Variants in SKOR1 observed in about 807,000 individuals in gnomAD.
The protein encoded by SKOR1 is LBX1 corepressor 1.
SKOR1 carries 38 observed loss-of-function variants against 72.4 expected under a neutral mutation model. The ratio of observed to expected loss-of-function variants is 0.52; its 90% confidence interval spans 0.40 to 0.69. The LOEUF (loss-of-function observed/expected upper bound fraction) is 0.69. Ranked by LOEUF, SKOR1 falls within the 30% of genes least tolerant of loss-of-function variation. SKOR1 has a pLI of 0.00. For missense variants in SKOR1, 1,320 were observed against 1,343.2 expected (o/e 0.98, Z 0.27); for synonymous variants, 642 against 599.4 (o/e 1.07, Z -1.04).
Position 67,825,851 on chromosome 15 carries a change from C to A in SKOR1, c.108-85C>A. ...TGCCAAGTATCCCCCGCGCGCCCAA[C>A]TCGGAGCGCCCTGCTGGGCGGGCCC... On this transcript the variant is annotated intron_variant, in intron 1 of 8. Transcript: ENST00000380035. This position sits in a 1 kb window ranked among gnomAD's most constrained non-coding sequence, Gnocchi z 5.6. The A allele has an allele frequency of 6.6e-7, 1 of 1,514,756 alleles. No homozygotes were observed. The highest frequency in any genetic ancestry group is 8.8e-7 in the Non-Finnish European group (1 of 1,138,724). The allele number at this position is 1,514,756 out of a possible 1,614,324, so 93.8% of individuals were successfully genotyped here. A position where few individuals can be genotyped will look rare whatever the true frequency, so the allele number is the denominator to read the frequency against.
rs549463574 is a variant in SKOR1, at chr15:67,825,870, C to T, written c.108-66C>T. On this transcript the variant is annotated intron_variant, in intron 1 of 8. Coordinates refer to ENST00000380035, the MANE Select transcript of SKOR1 (RefSeq NM_001365915.1). This position sits in a 1 kb window ranked among gnomAD's most constrained non-coding sequence, Gnocchi z 5.6. ...GCCCAACTCGGAGCGCCCTGCTGGG[C>T]GGGCCCGAGCCTCGGCGGCGGCGCT... 1.3e-6 allele frequency: 2 copies of T among 1,510,328 alleles called. No homozygotes were observed. The highest frequency in any genetic ancestry group is 1.4e-5 in the African/African-American group (1 of 71,810). 93.6% of individuals were successfully genotyped at this position (1,510,328 alleles called of 1,614,324 possible). A position where few individuals can be genotyped will look rare whatever the true frequency, so the allele number is the denominator to read the frequency against.
At position 67,830,178 on chromosome 15, in the gene SKOR1, T is replaced by C; in HGVS notation, c.2408-13T>C. 6.2e-7 allele frequency: 1 copy of C among 1,613,462 alleles called. No individual in the cohort carries two copies. The highest frequency in any genetic ancestry group is 1.1e-5 in the South Asian group (1 of 91,068). ...TCTTTGCCTCTCTTGAAATTCGGTT[T>C]GTTGCCTTCAAGAGCCAGATAAGGA... On this transcript the variant is annotated splice_polypyrimidine_tract_variant and intron_variant, in intron 3 of 8. Transcript: ENST00000380035.
rs1597015712 is a variant in SKOR1 at position 67,826,722 on chromosome 15, G to A, written c.894G>A (p.Gly298=). 2 of 1,541,022 alleles carry A rather than the reference G, an allele frequency of 1.3e-6. No individual in the cohort carries two copies. Among genetic ancestry groups the A allele is most frequent in the African/African-American group, 2.7e-5 (2 of 73,114 alleles). ...GGANGGSGGQ[G]KGGAGGGGGG... ...CCAATGGCGGGTCGGGTGGGCAGGG[G>A]AAGGGTGGTGCTGGCGGCGGTGGCG... is the stretch of plus-strand genomic sequence containing the variant. The change falls in exon 2 of 9, where the codon GGG becomes GGA. Residue 298 remains glycine (G), a synonymous_variant. Coordinates refer to ENST00000380035, the MANE Select transcript of SKOR1 (RefSeq NM_001365915.1).
intron 5 of SKOR1, among the ~76,000 whole-genome samples, chr15:67,831,753 GGTGCTTTATAGT>G (rs1410625901): frequency 2.0e-5 from 3 of 152,054 alleles, no homozygotes; most frequent in African/African-American, 7.3e-5. Flanking sequence ...CAAAATCACT[GGTGCTTTATAGT>G]GAGGGTTCTT....
At chr15:67,829,011 A>C (rs1442555991) in intron 2 of SKOR1, among the ~76,000 whole-genome samples, 168 bp from the exon 3 acceptor site, 1 of 151,970 alleles carries the variant, frequency 6.6e-6, no homozygotes, top group African/African-American at 2.4e-5. Flanking sequence ...TGAATCTACA[A>C]GGGGGCAAGG....
chr15:67,833,960 T>G lies in SKOR1; in HGVS notation c.*124T>G. Reference sequence around the variant, plus strand: ...CGACCGATGTAAATACAGCCGCCCGTCCGCCCGCCTTCCTCCCGGGCTCCC... The same window carrying G: ...CGACCGATGTAAATACAGCCGCCCGGCCGCCCGCCTTCCTCCCGGGCTCCC... On this transcript the variant is annotated 3_prime_UTR_variant, in exon 9 of 9. Transcript: ENST00000380035. The surrounding 1 kb of genome is among the most constrained non-coding windows in gnomAD (Gnocchi z 6.0). The G allele has an allele frequency of 9.4e-7, 1 of 1,065,480 alleles. No homozygotes were observed. The highest frequency in any genetic ancestry group is 1.3e-5 in the South Asian group (1 of 77,006). 66.0% of individuals were successfully genotyped at this position (1,065,480 alleles called of 1,614,324 possible).
At position 67,826,929 on chromosome 15, in the gene SKOR1, C is replaced by A. The variant is rs1431789754; in HGVS notation, c.1101C>A (p.Ala367=). 6.4e-7 allele frequency: 1 copy of A among 1,574,360 alleles called. No homozygotes were observed. The highest frequency in any genetic ancestry group is 8.6e-7 in the Non-Finnish European group (1 of 1,168,440). ...GCCCAGGAGGGCCCGGTGGCGGCGC[C>A]GGCGTACGAAGCTACCCGGTGATCC... is the stretch of plus-strand genomic sequence containing the variant. ...PAGPGGPGGG[A]GVRSYPVIPV... is the part of the protein sequence containing the mutation. The change falls in exon 2 of 9, where the codon GCC becomes GCA. Residue 367 remains alanine (A), a synonymous_variant. Coordinates refer to ENST00000380035, the MANE Select transcript of SKOR1 (RefSeq NM_001365915.1).
In SKOR1 at chr15:67,830,182, G is replaced by A. The variant is rs1355278238; in HGVS notation, c.2408-9G>A. The A allele has an allele frequency of 1.2e-6, 2 of 1,613,604 alleles. No homozygotes were observed. Among genetic ancestry groups the A allele is most frequent in the South Asian group, 2.2e-5 (2 of 91,084 alleles). ...TGCCTCTCTTGAAATTCGGTTTGTT[G>A]CCTTCAAGAGCCAGATAAGGAAGAC... On this transcript the variant is annotated splice_polypyrimidine_tract_variant and intron_variant, in intron 3 of 8. Transcript: ENST00000380035.
rs371006898 is a variant in SKOR1, at chr15:67,827,179, G to A, written c.1351G>A (p.Gly451Arg). 4.7e-5 allele frequency: 65 copies of A among 1,370,626 alleles called. No individual in the cohort carries two copies. In the East Asian group the frequency reaches 1.8e-3, roughly 38 times the overall value. 84.9% of individuals were successfully genotyped at this position (1,370,626 alleles called of 1,614,324 possible). A position where few individuals can be genotyped will look rare whatever the true frequency, so the allele number is the denominator to read the frequency against. The change falls in exon 2 of 9, where the codon GGG (glycine) becomes AGG (arginine). Residue 451 changes from glycine to arginine, a missense_variant. Transcript: ENST00000380035. ...AGCCAGCCACTTGCCCCCGGGGGCA[G>A]GGGCGGGCCCGGGCGGCGGCGCCAT... ...PGASHLPPGAGAGPGGGAMFW... is the reference protein window; with the variant it reads ...PGASHLPPGARAGPGGGAMFW...
rs1597021572 is a variant in SKOR1, at chr15:67,834,016, T to C, written c.*180T>C. 8 of 670,552 alleles carry C rather than the reference T, an allele frequency of 1.2e-5. No individual in the cohort carries two copies. In the East Asian group the frequency reaches 2.2e-4, roughly 18 times the overall value. The allele number at this position is 670,552 out of a possible 1,614,324, so 41.5% of individuals were successfully genotyped here. On this transcript the variant is annotated 3_prime_UTR_variant, in exon 9 of 9. Coordinates refer to ENST00000380035, the MANE Select transcript of SKOR1 (RefSeq NM_001365915.1). This position sits in a 1 kb window ranked among gnomAD's most constrained non-coding sequence, Gnocchi z 5.8. ...TTGCCCGCCCCCTCCCGGGCGTCCC[T>C]GTCCAGGGCCCCGGCTTGGTTTCCA...
rs376810635 is a variant in SKOR1, at chr15:67,832,729, C to A, written c.2737+48C>A. ...TCGTGCACGGGCCGTAACTGCCTCTCGTCTGGCAGGAGCCGCAATGTTGGC... is the reference window on the plus strand; with the variant it reads ...TCGTGCACGGGCCGTAACTGCCTCTAGTCTGGCAGGAGCCGCAATGTTGGC... On this transcript the variant is annotated intron_variant, in intron 7 of 8. Transcript: ENST00000380035. This position sits in a 1 kb window ranked among gnomAD's most constrained non-coding sequence, Gnocchi z 4.5. 6.0e-6 allele frequency: 9 copies of A among 1,492,562 alleles called. No individual in the cohort carries two copies. Among genetic ancestry groups the A allele is most frequent in the Middle Eastern group, 1.7e-4 (1 of 5,824 alleles). 92.5% of individuals were successfully genotyped at this position (1,492,562 alleles called of 1,614,324 possible).
chr15:67,827,305 C>G lies in SKOR1; in HGVS notation c.1477C>G (p.Pro493Ala). The change falls in exon 2 of 9, where the codon CCA becomes GCA. Residue 493 changes from proline (P) to alanine (A), a missense_variant. Coordinates refer to ENST00000380035, the MANE Select transcript of SKOR1 (RefSeq NM_001365915.1). ...TVYPTFPMFW[P>A]AAGSLPVPSY... ...GTACCCGACGTTTCCCATGTTCTGG[C>G]CAGCAGCAGGCAGCCTCCCGGTACC... 1 of 1,590,854 alleles carries G rather than the reference C, an allele frequency of 6.3e-7. No homozygotes were observed. The highest frequency in any genetic ancestry group is 8.5e-7 in the Non-Finnish European group (1 of 1,176,050).
At position 67,832,558 on chromosome 15, in the gene SKOR1, C is replaced by G. The variant is rs1331876192; in HGVS notation, c.2663-49C>G. On this transcript the variant is annotated intron_variant, in intron 6 of 8. Transcript: ENST00000380035. This position sits in a 1 kb window ranked among gnomAD's most constrained non-coding sequence, Gnocchi z 4.5. ...GGGGCCAGGAGTGAGAAAGTGGAGC[C>G]GGGAGAGGGGGCTGTGCGTAACAGC... 2 of 1,547,684 alleles carry G rather than the reference C, an allele frequency of 1.3e-6. No individual in the cohort carries two copies. Among genetic ancestry groups the G allele is most frequent in the South Asian group, 1.1e-5 (1 of 89,180 alleles).
Position 67,834,054 on chromosome 15 carries a change from G to A in SKOR1, c.*218G>A, listed in dbSNP as rs1344814520. ...GGCTTGGTTTCCAAGTGTAAATACC[G>A]CCTCGCGCCTCAAATCCCCCTACCC... On this transcript the variant is annotated 3_prime_UTR_variant, in exon 9 of 9. Coordinates refer to ENST00000380035, the MANE Select transcript of SKOR1 (RefSeq NM_001365915.1). This position sits in a 1 kb window ranked among gnomAD's most constrained non-coding sequence, Gnocchi z 5.8. 3.3e-6 allele frequency: 2 copies of A among 597,936 alleles called. No homozygotes were observed. Among genetic ancestry groups the A allele is most frequent in the East Asian group, 2.8e-5 (1 of 35,244 alleles). The allele number at this position is 597,936 out of a possible 1,614,324, so 37.0% of individuals were successfully genotyped here.
At position 67,826,071 on chromosome 15, in the gene SKOR1, G is replaced by A; in HGVS notation, c.243G>A (p.Ser81=). Residue 81 remains serine (S), a synonymous_variant, in exon 2 of 9, where the codon TCG becomes TCA. Coordinates refer to ENST00000380035, the MANE Select transcript of SKOR1 (RefSeq NM_001365915.1). ...AACCCAACCAGGTGGGCGAGACGTC[G>A]CTGTACGGGGTGCCCATTGTGTCGC... ...ALKPNQVGET[S]LYGVPIVSLV... is the part of the protein sequence containing the mutation. 1 of 1,595,878 alleles carries A rather than the reference G, an allele frequency of 6.3e-7. No individual in the cohort carries two copies. Among genetic ancestry groups the A allele is most frequent in the South Asian group, 1.1e-5 (1 of 89,438 alleles).
At position 67,825,769 on chromosome 15, in the gene SKOR1, T is replaced by C. The variant is rs1186618108; in HGVS notation, c.107+60T>C. ...GGGGCTGTTGTTAACGGCGCCAACA[T>C]GGGTCTGAGTAACAAAAGACGCCTG... On this transcript the variant is annotated intron_variant, in intron 1 of 8. Coordinates refer to ENST00000380035, the MANE Select transcript of SKOR1 (RefSeq NM_001365915.1). The surrounding 1 kb of genome is among the most constrained non-coding windows in gnomAD (Gnocchi z 5.6). 7 of 1,277,650 alleles carry C rather than the reference T, an allele frequency of 5.5e-6. No individual in the cohort carries two copies. The highest frequency in any genetic ancestry group is 1.5e-5 in the African/African-American group (1 of 67,822). 79.1% of individuals were successfully genotyped at this position (1,277,650 alleles called of 1,614,324 possible). A position where few individuals can be genotyped will look rare whatever the true frequency, so the allele number is the denominator to read the frequency against.
rs2091026037 is a variant in SKOR1, at chr15:67,833,687, C to A, written c.2804-55C>A. 6.4e-7 allele frequency: 1 copy of A among 1,556,322 alleles called. No individual in the cohort carries two copies. The highest frequency in any genetic ancestry group is 8.9e-7 in the Non-Finnish European group (1 of 1,129,132). ...CGGGGAGGGGAAAGGGTGGACTGCGCGGTGAGGTGAGCCTGGAGAGGCGCC... is the reference window on the plus strand; with the variant it reads ...CGGGGAGGGGAAAGGGTGGACTGCGAGGTGAGGTGAGCCTGGAGAGGCGCC... On this transcript the variant is annotated intron_variant, in intron 8 of 8. Transcript: ENST00000380035. The surrounding 1 kb of genome is among the most constrained non-coding windows in gnomAD (Gnocchi z 6.0).
Position 67,833,289 on chromosome 15 carries a change from G to A in SKOR1, c.2803+32G>A. 1 of 1,611,470 alleles carries A rather than the reference G, an allele frequency of 6.2e-7. No homozygotes were observed. The highest frequency in any genetic ancestry group is 2.2e-5 in the East Asian group (1 of 44,866). On this transcript the variant is annotated intron_variant, in intron 8 of 8. Transcript: ENST00000380035. This position sits in a 1 kb window ranked among gnomAD's most constrained non-coding sequence, Gnocchi z 6.0. ...AAGCCGGGAAACAAAGATAGGAGGG[G>A]TGCTGGGTGCCGGCCGTGCTGTCGA...
At chr15:67,831,008 G>A (rs1453260462) in intron 5 of SKOR1, 119 bp downstream of exon 5, 3 of 992,906 alleles carry the variant, frequency 3.0e-6, no homozygotes, top group Non-Finnish European at 3.1e-6. Flanking sequence ...AAGGCCTTGG[G>A]GGCATGAGTT....
Sources: allele counts gnomAD v4.1 joint callset (sites outside exome capture counted in the v4.1 genomes callset), GRCh38; gene constraint gnomAD v4.1.1; non-coding constraint Gnocchi (gnomAD v3.1); transcripts MANE v1.5; gene names NCBI Gene and HGNC (gene_info 2026-07-23, HGNC 2026-07-21).